Variants in GTF2A2 observed in about 807,000 individuals in gnomAD.
The protein encoded by GTF2A2 is general transcription factor IIA subunit 2.
Under a neutral mutation model 14.3 loss-of-function variants are expected in GTF2A2, and 9 were observed. That is an observed-to-expected ratio of 0.63 (90% CI 0.38 to 1.10). The LOEUF (loss-of-function observed/expected upper bound fraction) is 1.10. GTF2A2 is among the 50% of genes least tolerant of loss of function. The pLI is 0.01. For missense variants in GTF2A2, 90 were observed against 124.6 expected, an observed-to-expected ratio of 0.72 and a Z score of 1.32; for synonymous variants, 56 against 46.0, an observed-to-expected ratio of 1.22 and a Z score of -0.88.
At position 59,638,145 on chromosome 15, in the gene GTF2A2, C is replaced by G. The variant is rs1237023611; in HGVS notation, c.*987G>C. ...TCTCCAACTCCTGGACTCAAGTAAT[C>G]CTCCAGTCTCAGCCTCCTAAAGTAC... On this transcript the variant is annotated 3_prime_UTR_variant, in exon 5 of 5. Transcript: ENST00000396060. The G allele has an allele frequency of 1.3e-5, 2 of 152,156 alleles. No homozygotes were observed. The highest frequency in any genetic ancestry group is 4.8e-5 in the African/African-American group (2 of 41,414). 9.4% of individuals were successfully genotyped at this position (152,156 alleles called of 1,614,324 possible).
intron 3 of GTF2A2, among the ~76,000 whole-genome samples, chr15:59,644,535 T>C (rs1475451142): frequency 7.9e-5 from 12 of 152,236 alleles, no homozygotes; most frequent in Admixed American, 3.3e-4. Flanking sequence ...TCCCTGCCAC[T>C]GGTGAGCTGA....
rs189390820 is a variant in GTF2A2 at position 59,657,491 on chromosome 15, C to T, written c.-135G>A. ...GTTCCTACTTCTCCGACCACCTCTC[C>T]AGCCGCCGCAGAAACCGCAGAACTG... is the stretch of plus-strand genomic sequence containing the variant. On this transcript the variant is annotated 5_prime_UTR_variant, in exon 1 of 5. Coordinates refer to ENST00000396060, the MANE Select transcript of GTF2A2 (RefSeq NM_004492.3). 2,897 of 152,484 alleles carry T rather than the reference C, an allele frequency of 0.019. 44 individuals carry two copies. The highest frequency in any genetic ancestry group is 0.028 in the Non-Finnish European group (1,940 of 68,172). 9.4% of individuals were successfully genotyped at this position (152,484 alleles called of 1,614,324 possible).
At chr15:59,642,754 T>C (rs1000399653) in intron 3 of GTF2A2, among the ~76,000 whole-genome samples, 4 of 152,226 alleles carry the variant, frequency 2.6e-5, no homozygotes, top group African/African-American at 4.8e-5. Context: ...GTGCAACTTA[T>C]AATTTTTTAT....
intron 1 of GTF2A2, among the ~76,000 whole-genome samples, chr15:59,655,106 G>T (rs537623598): frequency 6.6e-6 from 1 of 152,228 alleles, no homozygotes; most frequent in Admixed American, 6.5e-5. Flanking sequence ...CAAGGATATT[G>T]TTCTGACAAT....
chr15:59,639,213 ACAATTAACTATTTTAAGACTAT>A (rs1891298701), intron 4 of GTF2A2, 56 bp from the exon 5 acceptor site: 31 of 1,056,638 alleles, frequency 2.9e-5, no homozygotes, highest in Non-Finnish European at 4.4e-5. Flanking sequence ...ATTTAATTTT[ACAATTAACTATTTTAAGACTAT>A]CAAAAATGAG....
chr15:59,639,795 G>A (rs1373454578), intron 4 of GTF2A2, among the ~76,000 whole-genome samples: 1 of 151,838 alleles, frequency 6.6e-6, no homozygotes, highest in Admixed American at 6.6e-5. Context: ...GTGTTGCCCA[G>A]GCTGGAGTGC....
Position 59,639,616 on chromosome 15 carries a change from C to A in GTF2A2, c.305-459G>T, listed in dbSNP as rs184724460. On this transcript the variant is annotated intron_variant, in intron 4 of 4. Coordinates refer to ENST00000396060, the MANE Select transcript of GTF2A2 (RefSeq NM_004492.3). Reference sequence around the variant, plus strand: ...TAGCTGGGACTACAGGTGCCCGCCACCTCGCCCAGCTAATTTTTTGTACTT... The same window carrying A: ...TAGCTGGGACTACAGGTGCCCGCCAACTCGCCCAGCTAATTTTTTGTACTT... 2.0e-3 allele frequency among the ~76,000 whole-genome samples: 304 copies of A among 151,362 alleles called. 2 individuals are homozygous for A. The highest frequency in any genetic ancestry group is 7.1e-3 in the African/African-American group (293 of 41,168).
intron 2 of GTF2A2, chr15:59,651,810 CCGAG>C (rs1242399161): frequency 6.3e-6 from 1 of 158,680 alleles, no homozygotes; most frequent in Non-Finnish European, 1.4e-5. Context: ...CCTCAGCCTC[CCGAG>C]TAACTGGGAC....
chr15:59,648,157 C>G (rs912933459), intron 3 of GTF2A2, among the ~76,000 whole-genome samples: 2 of 151,972 alleles, frequency 1.3e-5, no homozygotes, highest in African/African-American at 4.8e-5. Context: ...GCCTGTAATT[C>G]CAGCACTTTG....
chr15:59,644,647 A>C (rs1566928318), intron 3 of GTF2A2, among the ~76,000 whole-genome samples: 1 of 152,218 alleles, frequency 6.6e-6, no homozygotes, highest in Non-Finnish European at 1.5e-5. Context: ...GGCACTCAAG[A>C]GTATGGAGGA....
chr15:59,657,321 C>T (rs1166200889), intron 1 of GTF2A2, 85 bp downstream of exon 1: 2 of 152,434 alleles, frequency 1.3e-5, no homozygotes, highest in African/African-American at 4.8e-5. Context: ...CAGAGACTAC[C>T]CCACCAACGC....
chr15:59,654,095 T>C (rs1441624622), intron 1 of GTF2A2, among the ~76,000 whole-genome samples: 2 of 152,214 alleles, frequency 1.3e-5, no homozygotes, highest in African/African-American at 2.4e-5. Flanking sequence ...ACCCTCATAG[T>C]AGCCACACTA....
rs1395082975 is a variant in GTF2A2 at position 59,638,116 on chromosome 15, C to G, written c.*1016G>C. On this transcript the variant is annotated 3_prime_UTR_variant, in exon 5 of 5. Coordinates refer to ENST00000396060, the MANE Select transcript of GTF2A2 (RefSeq NM_004492.3). ...GTAGGGACAGTCTATATTGGCCAGG[C>G]TGGTCTCCAACTCCTGGACTCAAGT... 6.6e-6 allele frequency: 1 copy of G among 152,100 alleles called. No individual in the cohort carries two copies. Among genetic ancestry groups the G allele is most frequent in the South Asian group, 2.1e-4 (1 of 4,810 alleles). The allele number at this position is 152,100 out of a possible 1,614,324, so 9.4% of individuals were successfully genotyped here. A position where few individuals can be genotyped will look rare whatever the true frequency, so the allele number is the denominator to read the frequency against.
intron 4 of GTF2A2, among the ~76,000 whole-genome samples, chr15:59,641,924 G>T (rs1359725690): frequency 6.6e-6 from 1 of 152,208 alleles, no homozygotes; most frequent in Admixed American, 6.5e-5. Flanking sequence ...AATCCAACCT[G>T]TGTAAGCAGT....
intron 3 of GTF2A2, among the ~76,000 whole-genome samples, chr15:59,646,188 C>T (rs1443523900): frequency 1.3e-5 from 2 of 152,090 alleles, no homozygotes; most frequent in African/African-American, 4.8e-5. Flanking sequence ...TCCCAAATAG[C>T]TGGGACTACA....
chr15:59,646,164 C>A (rs944059100), intron 3 of GTF2A2, among the ~76,000 whole-genome samples: 4 of 152,036 alleles, frequency 2.6e-5, no homozygotes, highest in Non-Finnish European at 5.9e-5. Context: ...TCAAGTGATT[C>A]TCCTGCCTTG....
At chr15:59,643,135 A>G (rs1331523226) in intron 3 of GTF2A2, among the ~76,000 whole-genome samples, 1 of 131,028 alleles carries the variant, frequency 7.6e-6, no homozygotes, top group African/African-American at 3.0e-5. Context: ...GCTGCAGTGC[A>G]GTGGTGAGAT....
Position 59,642,062 on chromosome 15 carries a change from T to C in GTF2A2, c.304+74A>G, listed in dbSNP as rs1020159364. ...CATTTTACCCGTTAGGCTTTTCATA[T>C]GGATGCAGATCTTCTAAAGGCTCAT... On this transcript the variant is annotated intron_variant, in intron 4 of 4. Transcript: ENST00000396060. 1.9e-5 allele frequency: 26 copies of C among 1,354,844 alleles called. No individual in the cohort carries two copies. The African/African-American group carries it at 3.5e-4, about 18-fold the overall frequency. The allele number at this position is 1,354,844 out of a possible 1,614,324, so 83.9% of individuals were successfully genotyped here. A position where few individuals can be genotyped will look rare whatever the true frequency, so the allele number is the denominator to read the frequency against.
chr15:59,644,320 C>T (rs1891532259), intron 3 of GTF2A2: 1 of 152,162 alleles, frequency 6.6e-6, no homozygotes, highest in African/African-American at 2.4e-5. Flanking sequence ...ACTTAAATGC[C>T]TAAAATCTTC....
Sources: gnomAD v4.1 joint callset for allele counts (sites outside exome capture counted in the v4.1 genomes callset) on GRCh38, gnomAD v4.1.1 for gene constraint, MANE v1.5 for transcripts, NCBI Gene and HGNC (gene_info 2026-07-23, HGNC 2026-07-21) for gene names.